ZNF776: variants seen among roughly 807,000 people sequenced by gnomAD.
The protein encoded by ZNF776 is zinc finger protein 776.
Under a neutral mutation model 7.0 loss-of-function variants are expected in ZNF776, and 4 were observed. The ratio of observed to expected loss-of-function variants is 0.57; its 90% CI spans 0.28 to 1.31. The LOEUF is 1.31. Ranked by LOEUF, ZNF776 falls within the 50% of genes most tolerant of loss-of-function variation. ZNF776 has a pLI of 0.10. For missense variants in ZNF776, 555 were observed against 625.9 expected, an observed-to-expected ratio of 0.89 and a Z score of 1.21; for synonymous variants, 212 against 213.7, an observed-to-expected ratio of 0.99 and a Z score of 0.07.
rs1986448430 is a variant in ZNF776 at position 57,746,939 on chromosome 19, T to G, written c.-120T>G. 2 of 1,032,436 alleles carry G rather than the reference T, an allele frequency of 1.9e-6. No individual in the cohort carries two copies. Among genetic ancestry groups the G allele is most frequent in the South Asian group, 3.4e-5 (2 of 59,530 alleles). The allele number at this position is 1,032,436 out of a possible 1,614,324, so 64.0% of individuals were successfully genotyped here. ...GTTGTCCCGACTGCACAGAGGCTGC[T>G]CTGCAGCTCCTTAAAGGCGCTAGGC... On this transcript the variant is annotated 5_prime_UTR_variant, in exon 1 of 3. Coordinates refer to ENST00000317178, the MANE Select transcript of ZNF776 (RefSeq NM_173632.4).
In ZNF776 at chr19:57,754,354, ATG is replaced by A; in HGVS notation, c.1226_1227del (p.Cys409Ter). ...GAGAAAGACCCTATGAGTGTAAAGAATGTAGGAAATCATTTAGGTACAAGTCA... is the reference window on the plus strand; with the variant it reads ...GAGAAAGACCCTATGAGTGTAAAGAATAGGAAATCATTTAGGTACAAGTCA... ...TGERPYECKE[C>X]RKSFRYKSHL... is the part of the protein sequence containing the mutation. On this transcript the variant is annotated frameshift_variant, in exon 3 of 3. Coordinates refer to ENST00000317178, the MANE Select transcript of ZNF776 (RefSeq NM_173632.4). LOFTEE classifies it low-confidence loss of function (END_TRUNC). 6.2e-7 allele frequency: 1 copy of A among 1,614,164 alleles called. No homozygotes were observed. The highest frequency in any genetic ancestry group is 8.5e-7 in the Non-Finnish European group (1 of 1,180,026).
chr19:57,750,327 G>A (rs1986562314), intron 1 of ZNF776, among the ~76,000 whole-genome samples: 1 of 151,648 alleles, frequency 6.6e-6, no homozygotes, highest in Non-Finnish European at 1.5e-5. Context: ...ATCTACTCGG[G>A]AGGCTAAGGC....
chr19:57,750,799 T>C lies in ZNF776; in HGVS notation c.48T>C (p.Phe16=), dbSNP rs763757762. 32 of 1,612,482 alleles carry C rather than the reference T, an allele frequency of 2.0e-5. 1 individual carries two copies. In the East Asian group the frequency reaches 2.0e-4, roughly 10 times the overall value. The part of the protein sequence containing the change: ...LRPPAQGTVT[F]EDVAVNFSQE... ...CATCACGGCAGGGCACTGTGACCTTTGAAGATGTGGCTGTGAACTTTTCCC... is the reference window on the plus strand; with the variant it reads ...CATCACGGCAGGGCACTGTGACCTTCGAAGATGTGGCTGTGAACTTTTCCC... Residue 16 remains phenylalanine, a synonymous_variant, in exon 2 of 3, where the codon TTT becomes TTC. Transcript: ENST00000317178.
At chr19:57,751,868 GTTTTTT>G (rs768825787) in intron 2 of ZNF776, among the ~76,000 whole-genome samples, 1 of 67,528 alleles carries the variant, frequency 1.5e-5, no homozygotes, top group South Asian at 6.8e-4. Context: ...TTTTGGTTTT[GTTTTTT>G]TTTTTTTTTT....
At position 57,753,795 on chromosome 19, in the gene ZNF776, C is replaced by T. The variant is rs1395526794; in HGVS notation, c.665C>T (p.Ser222Leu). Residue 222 changes from serine (S) to leucine (L), a missense_variant, in exon 3 of 3, where the codon TCA becomes TTA. Ser to Leu is a moderately radical substitution (Grantham distance 145). Transcript: ENST00000317178. The part of the protein sequence containing the change: ...ESTIPFSNKH[S>L]LVLHQRLLPR... ...ACAATACCGTTTAGCAACAAACACT[C>T]ACTTGTCCTTCACCAGAGACTTCTC... 1 of 1,614,210 alleles carries T rather than the reference C, an allele frequency of 6.2e-7. No homozygotes were observed. Among genetic ancestry groups the T allele is most frequent in the South Asian group, 1.1e-5 (1 of 91,090 alleles).
At chr19:57,749,838 C>G (rs544510964) in intron 1 of ZNF776, among the ~76,000 whole-genome samples, 1 of 152,330 alleles carries the variant, frequency 6.6e-6, no homozygotes, top group East Asian at 1.9e-4. Flanking sequence ...ATCATAGTTT[C>G]TGGTTATGCA....
rs1027938686 is a variant in ZNF776, at chr19:57,755,465, ATAT to A, written c.*782_*784del. ...CACATTCTTTATCTAAATGTCTAAC[ATAT>A]TATGCACAGACAAGCTCCTGCTGTG... On this transcript the variant is annotated 3_prime_UTR_variant, in exon 3 of 3. Coordinates refer to ENST00000317178, the MANE Select transcript of ZNF776 (RefSeq NM_173632.4). 26 of 152,250 alleles carry A rather than the reference ATAT, an allele frequency of 1.7e-4. 1 individual carries two copies. Among genetic ancestry groups the A allele is most frequent in the East Asian group, 5.8e-4 (3 of 5,202 alleles). The allele number at this position is 152,250 out of a possible 1,614,324, so 9.4% of individuals were successfully genotyped here.
At position 57,758,086 on chromosome 19, in the gene ZNF776, C is replaced by A. The variant is rs1401876912; in HGVS notation, c.*3399C>A. ...AAATCACTGTATACGAATTCATCTG[C>A]TTATGGATATGTTATTGCTTCTTAT... On this transcript the variant is annotated 3_prime_UTR_variant, in exon 3 of 3. Coordinates refer to ENST00000317178, the MANE Select transcript of ZNF776 (RefSeq NM_173632.4). The A allele has an allele frequency of 6.6e-6, 1 of 152,134 alleles. No individual in the cohort carries two copies. The highest frequency in any genetic ancestry group is 1.9e-4 in the East Asian group (1 of 5,188). 9.4% of individuals were successfully genotyped at this position (152,134 alleles called of 1,614,324 possible).
At chr19:57,747,203 C>A in intron 1 of ZNF776, 112 bp downstream of exon 1, 1 of 1,205,414 alleles carries the variant, frequency 8.3e-7, no homozygotes, top group Non-Finnish European at 1.2e-6. Flanking sequence ...GGCGTCGGGA[C>A]ACTGAGGCGC....
At chr19:57,751,879 T>G (rs202066410) in intron 2 of ZNF776, among the ~76,000 whole-genome samples, 4 of 114,142 alleles carry the variant, frequency 3.5e-5, no homozygotes, top group African/African-American at 1.4e-4. Flanking sequence ...TTTTTTTTTT[T>G]TTTTTTTTTT....
chr19:57,748,808 G>T (rs1404055917), intron 1 of ZNF776, among the ~76,000 whole-genome samples: 1 of 152,084 alleles, frequency 6.6e-6, no homozygotes, highest in Non-Finnish European at 1.5e-5. Flanking sequence ...ATGACACTTA[G>T]GCCAGAGTGG....
chr19:57,752,390 C>G (rs1986634778), intron 2 of ZNF776, among the ~76,000 whole-genome samples: 1 of 152,134 alleles, frequency 6.6e-6, no homozygotes, highest in Non-Finnish European at 1.5e-5. Context: ...CTATTCTTCT[C>G]TCTTGTCTTT....
At position 57,754,436 on chromosome 19, in the gene ZNF776, G is replaced by C; in HGVS notation, c.1306G>C (p.Glu436Gln). Residue 436 changes from glutamate (E) to glutamine (Q), a missense_variant, in exon 3 of 3, where the codon GAA (glutamate) becomes CAA (glutamine). Transcript: ENST00000317178. Reference protein sequence around the residue: ...HTGERPYECRECGKCFHQKGS... With the variant: ...HTGERPYECRQCGKCFHQKGS... ...TGGAGAAAGGCCATATGAGTGTAGA[G>C]AATGTGGGAAATGTTTTCATCAAAA... 1.2e-6 allele frequency: 2 copies of C among 1,614,120 alleles called. No homozygotes were observed. The highest frequency in any genetic ancestry group is 1.7e-6 in the Non-Finnish European group (2 of 1,180,018).
intron 2 of ZNF776, among the ~76,000 whole-genome samples, chr19:57,751,923 G>A (rs1169570232): frequency 1.5e-5 from 2 of 135,278 alleles, no homozygotes; most frequent in Admixed American, 1.7e-4. Flanking sequence ...CCAGGCTGGA[G>A]TGCAGTGGCC....
Position 57,753,564 on chromosome 19 carries a change from A to G in ZNF776, c.434A>G (p.Asn145Ser), listed in dbSNP as rs766486964. ...QHIGEKSYRS[N>S]AKGTSFVKNC... ...ATTGGAGAGAAATCGTACAGAAGCA[A>G]TGCCAAGGGAACATCTTTTGTAAAG... The change falls in exon 3 of 3, where the codon AAT becomes AGT. Residue 145 changes from asparagine to serine, a missense_variant. Physicochemically the swap from Asn to Ser is conservative, Grantham distance 46. Coordinates refer to ENST00000317178, the MANE Select transcript of ZNF776 (RefSeq NM_173632.4). 10 of 1,614,148 alleles carry G rather than the reference A, an allele frequency of 6.2e-6. No homozygotes were observed. The highest frequency in any genetic ancestry group is 1.3e-5 in the African/African-American group (1 of 74,952).
intron 2 of ZNF776, among the ~76,000 whole-genome samples, chr19:57,752,287 A>C (rs372212498): frequency 1.1e-4 from 17 of 152,306 alleles, no homozygotes; most frequent in African/African-American, 3.8e-4. Context: ...TATAGGTGTG[A>C]GCCACTGCAC....
Position 57,753,635 on chromosome 19 carries a change from G to T in ZNF776, c.505G>T (p.Val169Phe). Residue 169 changes from valine (V) to phenylalanine (F), a missense_variant, in exon 3 of 3, where the codon GTT (valine) becomes TTT (phenylalanine). Coordinates refer to ENST00000317178, the MANE Select transcript of ZNF776 (RefSeq NM_173632.4). The part of the protein sequence containing the change: ...MSHEPFIFHE[V>F]GKDFLSSLRL... ...ACATGAGCCATTTATCTTTCATGAG[G>T]TTGGGAAAGACTTTTTGTCCAGCTT... is the stretch of plus-strand genomic sequence containing the variant. 1 of 1,614,136 alleles carries T rather than the reference G, an allele frequency of 6.2e-7. No individual in the cohort carries two copies. Among genetic ancestry groups the T allele is most frequent in the South Asian group, 1.1e-5 (1 of 91,072 alleles).
Position 57,750,835 on chromosome 19 carries a change from G to C in ZNF776, c.84G>C (p.Trp28Cys). The C allele has an allele frequency of 6.2e-7, 1 of 1,613,374 alleles. No homozygotes were observed. Among genetic ancestry groups the C allele is most frequent in the Non-Finnish European group, 8.5e-7 (1 of 1,179,550 alleles). Residue 28 changes from tryptophan to cysteine, a missense_variant, in exon 2 of 3, where the codon TGG becomes TGC. Trp to Cys is a radical substitution (Grantham distance 215). Transcript: ENST00000317178. Reference sequence around the variant, plus strand: ...CTGTGAACTTTTCCCAGGAGGAATGGAGTCTCCTTAGTGAGGCTCAGAGAT... The same window carrying C: ...CTGTGAACTTTTCCCAGGAGGAATGCAGTCTCCTTAGTGAGGCTCAGAGAT... ...DVAVNFSQEE[W>C]SLLSEAQRCL...
At position 57,754,022 on chromosome 19, in the gene ZNF776, G is replaced by C; in HGVS notation, c.892G>C (p.Asp298His). 3.7e-6 allele frequency: 6 copies of C among 1,613,394 alleles called. No homozygotes were observed. Among genetic ancestry groups the C allele is most frequent in the Non-Finnish European group, 5.1e-6 (6 of 1,179,856 alleles). Residue 298 changes from aspartate (D) to histidine (H), a missense_variant, in exon 3 of 3, where the codon GAT becomes CAT. Asp to His is a moderately conservative substitution (Grantham distance 81, BLOSUM62 -1). Transcript: ENST00000317178. The part of the protein sequence containing the change: ...GERPYECGEC[D>H]KSFSHKHSLV... ...AAGACCTTATGAGTGTGGAGAATGT[G>C]ATAAATCTTTTAGTCATAAGCACAG...
Sources: allele counts gnomAD v4.1 joint callset (sites outside exome capture counted in the v4.1 genomes callset), GRCh38; gene constraint gnomAD v4.1.1; transcripts MANE v1.5; gene names NCBI Gene and HGNC (gene_info 2026-07-23, HGNC 2026-07-21).